THSD7B: variants seen among roughly 807,000 people sequenced by gnomAD.
THSD7B encodes thrombospondin type 1 domain containing 7B.
A neutral mutation model predicts 213.6 loss-of-function variants in THSD7B; 138 were observed. The observed-to-expected ratio is 0.65, with a 90% CI of 0.56 to 0.74. The LOEUF (loss-of-function observed/expected upper bound fraction) is 0.74. THSD7B is among the 30% of genes least tolerant of loss of function. The probability of loss-of-function intolerance (pLI) is 0.00; values close to 1 mark genes in which losing one functional copy is unlikely to be tolerated. For synonymous variants in THSD7B, 742 were observed against 687.0 expected, an observed-to-expected ratio of 1.08 and a Z score of -1.25; for missense variants, 1,931 against 1,991.5, an observed-to-expected ratio of 0.97 and a Z score of 0.58.
intron 14 of THSD7B, among the ~76,000 whole-genome samples, chr2:137,419,685 G>A (rs890329260): frequency 6.6e-6 from 1 of 151,992 alleles, no homozygotes; most frequent in Non-Finnish European, 1.5e-5. Flanking sequence ...TAGGTGAAGG[G>A]TGGGGATCGA....
intron 4 of THSD7B, among the ~76,000 whole-genome samples, chr2:137,102,809 G>T (rs1181111568): frequency 6.6e-6 from 1 of 152,144 alleles, no homozygotes; most frequent in Admixed American, 6.5e-5. Context: ...TCAACTTAAT[G>T]AAATAAAGCA....
intron 12 of THSD7B, among the ~76,000 whole-genome samples, chr2:137,375,749 A>G (rs1351547174): frequency 6.6e-6 from 1 of 152,194 alleles, no homozygotes; most frequent in African/African-American, 2.4e-5. Flanking sequence ...AGAGAAACCA[A>G]AGAAGATATG....
chr2:136,880,532 T>A (rs1683600658), intron 1 of THSD7B, among the ~76,000 whole-genome samples: 1 of 152,166 alleles, frequency 6.6e-6, no homozygotes, highest in Non-Finnish European at 1.5e-5. Context: ...TCATCAGACT[T>A]AATCTATTCT....
chr2:136,925,805 CTTT>C (rs1558854784), intron 2 of THSD7B, among the ~76,000 whole-genome samples: 1 of 152,086 alleles, frequency 6.6e-6, no homozygotes, highest in South Asian at 2.1e-4. Flanking sequence ...CTGGGCTTTT[CTTT>C]TTTGAACTGT....
chr2:136,910,308 A>ACAGCT (rs1684235765), intron 2 of THSD7B, among the ~76,000 whole-genome samples: 1 of 152,164 alleles, frequency 6.6e-6, no homozygotes, highest in Admixed American at 6.6e-5. Context: ...GTATGGTTCT[A>ACAGCT]GAATGAGTCT....
At chr2:137,295,231 T>C (rs1161462230) in intron 12 of THSD7B, among the ~76,000 whole-genome samples, 1 of 152,146 alleles carries the variant, frequency 6.6e-6, no homozygotes, top group East Asian at 1.9e-4. Flanking sequence ...TAACAAATGG[T>C]AAAGAAAAAA....
In THSD7B at chr2:137,562,333, G is replaced by A. The variant is rs1250896315; in HGVS notation, c.3139-888G>A. Among the ~76,000 whole-genome samples, 4 of 152,076 alleles carry A rather than the reference G, an allele frequency of 2.6e-5. No individual in the cohort carries two copies. The South Asian group carries it at 8.3e-4, about 31-fold the overall frequency. ...CCATCTTTGTGATCATGCAATGGAA[G>A]AGCATTCTTTTTCTTACCTAGAAAG... is the stretch of plus-strand genomic sequence containing the variant. On this transcript the variant is annotated intron_variant, in intron 15 of 27. Coordinates refer to ENST00000409968, the MANE Select transcript of THSD7B (RefSeq NM_001316349.2).
At chr2:137,249,845 A>G (rs892321923) in intron 10 of THSD7B, among the ~76,000 whole-genome samples, 1 of 152,224 alleles carries the variant, frequency 6.6e-6, no homozygotes, top group Admixed American at 6.5e-5. Context: ...CAAATCAAGA[A>G]TTTGAAGTCC....
chr2:136,889,083 T>C (rs1170174938), intron 2 of THSD7B, among the ~76,000 whole-genome samples: 3 of 152,050 alleles, frequency 2.0e-5, no homozygotes, highest in Admixed American at 1.3e-4. Flanking sequence ...AAAATGACTA[T>C]AAATTAAAGT....
intron 15 of THSD7B, among the ~76,000 whole-genome samples, chr2:137,530,853 G>A (rs889898926): frequency 3.9e-5 from 6 of 151,998 alleles, no homozygotes; most frequent in African/African-American, 1.2e-4. Flanking sequence ...AAGGATTATA[G>A]CATGAGCTGA....
intron 5 of THSD7B, among the ~76,000 whole-genome samples, chr2:137,158,573 C>G (rs1422178725): frequency 6.6e-6 from 1 of 152,206 alleles, no homozygotes; most frequent in Non-Finnish European, 1.5e-5. Context: ...TGTTTCGCAG[C>G]CTCTCTTTTC....
chr2:137,069,131 C>T lies in THSD7B; in HGVS notation c.950+11901C>T, dbSNP rs188046375. On this transcript the variant is annotated intron_variant, in intron 3 of 27. Coordinates refer to ENST00000409968, the MANE Select transcript of THSD7B (RefSeq NM_001316349.2). ...GCTTTTACTTGTCTCAGTGCACATC[C>T]TAATTTTTCTTTTTCATTTTGACAG... is the stretch of plus-strand genomic sequence containing the variant. Among the ~76,000 whole-genome samples the T allele has an allele frequency of 2.6e-5, 4 of 152,114 alleles. No homozygotes were observed. In the East Asian group the frequency reaches 7.7e-4, roughly 29 times the overall value.
At chr2:136,822,634 C>T (rs1040939523) in intron 1 of THSD7B, among the ~76,000 whole-genome samples, 1 of 152,156 alleles carries the variant, frequency 6.6e-6, no homozygotes, top group Non-Finnish European at 1.5e-5. Context: ...CAAGATTTTG[C>T]TTTTATACCC....
intron 12 of THSD7B, among the ~76,000 whole-genome samples, chr2:137,373,348 C>T (rs2104952927): frequency 6.6e-6 from 1 of 152,332 alleles, no homozygotes; most frequent in South Asian, 2.1e-4. Flanking sequence ...TCCACATCCT[C>T]TCCAGCACCT....
At position 136,952,177 on chromosome 2, in the gene THSD7B, T is replaced by C. The variant is rs182944352; in HGVS notation, c.139+69860T>C. Reference sequence around the variant, plus strand: ...CCATCACACCCAGCCAGTTTTTTTATTAAATGTGTTTTAAATGAAGAAGAA... The same window carrying C: ...CCATCACACCCAGCCAGTTTTTTTACTAAATGTGTTTTAAATGAAGAAGAA... On this transcript the variant is annotated intron_variant, in intron 2 of 27. Transcript: ENST00000409968. Among the ~76,000 whole-genome samples, 15 of 151,866 alleles carry C rather than the reference T, an allele frequency of 9.9e-5. No homozygotes were observed. The East Asian group carries it at 2.5e-3, about 26-fold the overall frequency.
intron 12 of THSD7B, among the ~76,000 whole-genome samples, chr2:137,329,261 G>C (rs1051768651): frequency 4.6e-5 from 7 of 152,176 alleles, no homozygotes; most frequent in Non-Finnish European, 8.8e-5. Flanking sequence ...TGGAGTAAAG[G>C]TCACTCTTGT....
intron 17 of THSD7B, among the ~76,000 whole-genome samples, chr2:137,603,565 A>G (rs1682115423): frequency 6.6e-6 from 1 of 152,304 alleles, no homozygotes; most frequent in East Asian, 1.9e-4. Flanking sequence ...TCTTCTTGCT[A>G]TTGAATTAAT....
chr2:137,047,788 A>C lies in THSD7B; in HGVS notation c.140-8632A>C, dbSNP rs1481421516. On this transcript the variant is annotated intron_variant, in intron 2 of 27. Coordinates refer to ENST00000409968, the MANE Select transcript of THSD7B (RefSeq NM_001316349.2). ...GTAAACACATAATTAGATAACAAGC[A>C]CACAGCTAGATAAATGTGCATAGGG... Among the ~76,000 whole-genome samples the C allele has an allele frequency of 4.6e-5, 7 of 152,232 alleles. No homozygotes were observed. In the South Asian group the frequency reaches 1.2e-3, roughly 27 times the overall value.
chr2:137,666,480 A>G (rs945516228), intron 26 of THSD7B, among the ~76,000 whole-genome samples: 1 of 152,086 alleles, frequency 6.6e-6, no homozygotes, highest in Non-Finnish European at 1.5e-5. Context: ...AATGTAATTG[A>G]AAGTAATTGT....
Sources: allele counts gnomAD v4.1 joint callset (sites outside exome capture counted in the v4.1 genomes callset), GRCh38; gene constraint gnomAD v4.1.1; transcripts MANE v1.5; gene names NCBI Gene and HGNC (gene_info 2026-07-23, HGNC 2026-07-21).